Variants in GJA3 observed in about 807,000 individuals in gnomAD.
GJA3 encodes the protein gap junction alpha-3 protein.
For missense variants in GJA3, 571 were observed against 620.3 expected (o/e 0.92, Z 0.84); for synonymous variants, 297 against 292.6 (o/e 1.02, Z -0.15).
At chr13:20,150,896 G>A (rs1048419896) in intron 1 of GJA3, among the ~76,000 whole-genome samples, 1 of 152,144 alleles carries the variant, frequency 6.6e-6, no homozygotes, top group African/African-American at 2.4e-5. Flanking sequence ...TCACAGGAAG[G>A]CAGGAGACCA....
At position 20,142,652 on chromosome 13, in the gene GJA3, C is replaced by T. The variant is rs749703145; in HGVS notation, c.637G>A (p.Ala213Thr). Residue 213 changes from alanine (A) to threonine (T), a missense_variant, in exon 2 of 2, where the codon GCG becomes ACG. Physicochemically the swap from Ala to Thr is moderately conservative, Grantham distance 58 (BLOSUM62 0). Coordinates refer to ENST00000241125, the MANE Select transcript of GJA3 (RefSeq NM_021954.4). ...TCCAGCATGTTGAGCAGCAGGGACGCGCAGGCCACCGCCAGCATGAAGATG... is the reference window on the plus strand; with the variant it reads ...TCCAGCATGTTGAGCAGCAGGGACGTGCAGGCCACCGCCAGCATGAAGATG... ...FIIFMLAVACASLLLNMLEIY... is the reference protein window; with the variant it reads ...FIIFMLAVACTSLLLNMLEIY... The T allele has an allele frequency of 1.2e-6, 2 of 1,613,704 alleles. No homozygotes were observed. The highest frequency in any genetic ancestry group is 1.7e-6 in the Non-Finnish European group (2 of 1,179,968).
chr13:20,152,344 A>G (rs1268071710), intron 1 of GJA3, among the ~76,000 whole-genome samples: 1 of 152,130 alleles, frequency 6.6e-6, no homozygotes, highest in Non-Finnish European at 1.5e-5. Flanking sequence ...TATAATTTGT[A>G]CCACACTTGA....
chr13:20,158,105 G>C (rs1367673597), intron 1 of GJA3, among the ~76,000 whole-genome samples: 6 of 152,106 alleles, frequency 3.9e-5, no homozygotes, highest in Admixed American at 3.9e-4. Context: ...CCCAAAAAGT[G>C]CTGGGATTAC....
chr13:20,158,912 C>CAAAAAAAAAAAAAAAAAAAAA (rs1159654355), intron 1 of GJA3, among the ~76,000 whole-genome samples: 145 of 54,930 alleles, frequency 2.6e-3, no homozygotes, highest in African/African-American at 3.3e-3. Flanking sequence ...GCAAAACTCT[C>CAAAAAAAAAAAAAAAAAAAAA]AAAAAAAAAA....
At chr13:20,150,500 C>A (rs1488504154) in intron 1 of GJA3, among the ~76,000 whole-genome samples, 1 of 152,184 alleles carries the variant, frequency 6.6e-6, no homozygotes, top group African/African-American at 2.4e-5. Flanking sequence ...GACGAGCATC[C>A]CCAGAGAAGG....
chr13:20,149,216 C>T (rs898129534), intron 1 of GJA3, among the ~76,000 whole-genome samples: 10 of 152,044 alleles, frequency 6.6e-5, no homozygotes, highest in Non-Finnish European at 1.2e-4. Context: ...GGAATGATCT[C>T]GGTGCAGTAG....
At chr13:20,155,906 G>C (rs529753685) in intron 1 of GJA3, among the ~76,000 whole-genome samples, 11 of 151,974 alleles carry the variant, frequency 7.2e-5, no homozygotes, top group Non-Finnish European at 1.5e-4. Flanking sequence ...AGATATGTGG[G>C]TTCTATTCTT....
At chr13:20,161,245 G>GCCTGCATCCCCATCCCGCA (rs1958936437), upstream of GJA3, among the ~76,000 whole-genome samples, 1 of 152,108 alleles carries the variant, frequency 6.6e-6, no homozygotes, top group African/African-American at 2.4e-5. Context: ...CATGCCTAGC[G>GCCTGCATCCCCATCCCGCA]CCTGCATCCC....
chr13:20,145,444 A>G (rs1338637515), intron 1 of GJA3, among the ~76,000 whole-genome samples: 1 of 152,090 alleles, frequency 6.6e-6, no homozygotes, highest in Non-Finnish European at 1.5e-5. Context: ...TAGAAACTTA[A>G]TTACTGCACT....
Position 20,141,868 on chromosome 13 carries a change from C to A in GJA3, c.*113G>T, listed in dbSNP as rs1958808915. The A allele has an allele frequency of 6.8e-7, 1 of 1,465,112 alleles. No individual in the cohort carries two copies. The highest frequency in any genetic ancestry group is 9.2e-7 in the Non-Finnish European group (1 of 1,086,782). The allele number at this position is 1,465,112 out of a possible 1,614,324, so 90.8% of individuals were successfully genotyped here. On this transcript the variant is annotated 3_prime_UTR_variant, in exon 2 of 2. Coordinates refer to ENST00000241125, the MANE Select transcript of GJA3 (RefSeq NM_021954.4). Reference sequence around the variant, plus strand: ...ATCGTCCACCTCCTGGGACTCCAGTCGCTCCCACCTCCTGGGACTTTCAGG... The same window carrying A: ...ATCGTCCACCTCCTGGGACTCCAGTAGCTCCCACCTCCTGGGACTTTCAGG...
At position 20,142,044 on chromosome 13, in the gene GJA3, A is replaced by C. The variant is rs1306051144; in HGVS notation, c.1245T>G (p.Gly415=). 1 of 1,550,118 alleles carries C rather than the reference A, an allele frequency of 6.5e-7. No homozygotes were observed. Among genetic ancestry groups the C allele is most frequent in the Admixed American group, 2.0e-5 (1 of 50,980 alleles). The change falls in exon 2 of 2, where the codon GGT becomes GGG. Residue 415 remains glycine, a synonymous_variant. Transcript: ENST00000241125. ...TGGCCCTGCTGGCCTTGCTGGCCCG[A>C]CCTGGGTCTCCGAGGGGCAAGGGCG... ...HQPPLPLGDP[G]RASKASRASS... is the part of the protein sequence containing the mutation.
chr13:20,155,747 C>T (rs1958903759), intron 1 of GJA3, among the ~76,000 whole-genome samples: 2 of 151,286 alleles, frequency 1.3e-5, no homozygotes, highest in Non-Finnish European at 3.0e-5. Flanking sequence ...CTATAGGAGT[C>T]CTATAGATCT....
In GJA3 at chr13:20,141,171, G is replaced by C. The variant is rs1412043867; in HGVS notation, c.*810C>G. On this transcript the variant is annotated 3_prime_UTR_variant, in exon 2 of 2. Transcript: ENST00000241125. ...TCATTTTTCCTGAAAGAAAGTGGGA[G>C]AAAATAGGCATAGCTGCACCATTCA... is the stretch of plus-strand genomic sequence containing the variant. The C allele has an allele frequency of 6.6e-6, 1 of 152,200 alleles. No individual in the cohort carries two copies. The highest frequency in any genetic ancestry group is 1.5e-5 in the Non-Finnish European group (1 of 68,040). The allele number at this position is 152,200 out of a possible 1,614,324, so 9.4% of individuals were successfully genotyped here.
chr13:20,149,329 C>T (rs1170005778), intron 1 of GJA3, among the ~76,000 whole-genome samples: 1 of 151,910 alleles, frequency 6.6e-6, no homozygotes, highest in Non-Finnish European at 1.5e-5. Flanking sequence ...TTCCTCTGTA[C>T]AAAAAATTAG....
Position 20,142,586 on chromosome 13 carries a change from TCACGCC to T in GJA3, c.697_702del (p.Gly233_Val234del), listed in dbSNP as rs765170052. On this transcript the variant is annotated inframe_deletion, in exon 2 of 2. Transcript: ENST00000241125. ...GAGGCGTCCGGGCCGAGGCGGCTGGTCACGCCCTGCTTGAGCTTCTTCCAGCCCAGG... is the reference window on the plus strand; with the variant it reads ...GAGGCGTCCGGGCCGAGGCGGCTGGTCTGCTTGAGCTTCTTCCAGCCCAGG... 1.6e-5 allele frequency: 26 copies of T among 1,607,878 alleles called. No homozygotes were observed. The highest frequency in any genetic ancestry group is 1.1e-5 in the Non-Finnish European group (13 of 1,177,784).
At chr13:20,154,714 T>C (rs893365154) in intron 1 of GJA3, among the ~76,000 whole-genome samples, 2 of 152,226 alleles carry the variant, frequency 1.3e-5, no homozygotes, top group Non-Finnish European at 2.9e-5. Context: ...AGTCTTTCTT[T>C]GCTAAAAAGT....
At chr13:20,159,083 GT>G (rs1179867465) in intron 1 of GJA3, among the ~76,000 whole-genome samples, 2 of 151,872 alleles carry the variant, frequency 1.3e-5, no homozygotes, top group Non-Finnish European at 1.5e-5. Flanking sequence ...GAAACATACT[GT>G]TTTTTAGAGA....
chr13:20,144,932 G>A (rs35328526), intron 1 of GJA3, among the ~76,000 whole-genome samples: 1 of 152,220 alleles, frequency 6.6e-6, no homozygotes, highest in South Asian at 2.1e-4. Flanking sequence ...TGTAATCCCA[G>A]CACTTTGGGA....
At chr13:20,148,712 C>A (rs1016636398) in intron 1 of GJA3, among the ~76,000 whole-genome samples, 1 of 152,214 alleles carries the variant, frequency 6.6e-6, no homozygotes, top group Non-Finnish European at 1.5e-5. Context: ...TCAGGCAAGG[C>A]GCTGCTGAAC....
Sources: gnomAD v4.1 joint callset for allele counts (sites outside exome capture counted in the v4.1 genomes callset) on GRCh38, gnomAD v4.1.1 for gene constraint, MANE v1.5 for transcripts, NCBI Gene and HGNC (gene_info 2026-07-23, HGNC 2026-07-21) for gene names.